The following SGSM1 variants were observed in gnomAD, a reference collection of about 807,000 sequenced individuals.
SGSM1 encodes the protein RUN and TBC1 domain containing 2.
In SGSM1, 73 loss-of-function variants were observed where a neutral mutation model predicts 133.8. The ratio of observed to expected loss-of-function variants is 0.55; its 90% CI spans 0.45 to 0.66. The LOEUF (loss-of-function observed/expected upper bound fraction) is 0.66. Ranked by LOEUF, SGSM1 falls within the 30% of genes least tolerant of loss-of-function variation. SGSM1 has a pLI of 0.00. For synonymous variants in SGSM1, 563 were observed against 573.0 expected (o/e 0.98, Z 0.25); for missense variants, 1,213 against 1,448.1 (o/e 0.84, Z 2.64).
chr22:24,806,299 G>A lies in SGSM1; in HGVS notation c.-27G>A. 1 of 1,431,796 alleles carries A rather than the reference G, an allele frequency of 7.0e-7. No individual in the cohort carries two copies. Among genetic ancestry groups the A allele is most frequent in the South Asian group, 1.5e-5 (1 of 68,338 alleles). The allele number at this position is 1,431,796 out of a possible 1,614,324, so 88.7% of individuals were successfully genotyped here. A position where few individuals can be genotyped will look rare whatever the true frequency, so the allele number is the denominator to read the frequency against. On this transcript the variant is annotated 5_prime_UTR_variant, in exon 1 of 25. Coordinates refer to ENST00000400358, the MANE Select transcript of SGSM1 (RefSeq NM_001098497.3). The stretch of plus-strand genomic sequence containing the variant: ...GCCGCCACCGCCGCCACCGCCTCCT[G>A]GGACTCGGAACGCAGCGCTCGGAGC...
intron 4 of SGSM1, 136 bp from the exon 5 acceptor site, chr22:24,850,144 C>T (rs1930371106): frequency 3.4e-6 from 3 of 881,542 alleles, no homozygotes; most frequent in Admixed American, 2.9e-5. Flanking sequence ...AGCTTGCTAG[C>T]GGCAATATGG....
intron 8 of SGSM1, chr22:24,855,903 A>G (rs1038968260): frequency 2.8e-6 from 2 of 715,606 alleles, no homozygotes; most frequent in African/African-American, 3.5e-5. Context: ...CCATCCACCC[A>G]TTGTCACAAC....
chr22:24,872,284 G>A (rs942637905), intron 12 of SGSM1, among the ~76,000 whole-genome samples: 1 of 152,158 alleles, frequency 6.6e-6, no homozygotes, highest in African/African-American at 2.4e-5. Flanking sequence ...CTTGTGCTCT[G>A]GGGAGGCAAG....
intron 12 of SGSM1, among the ~76,000 whole-genome samples, chr22:24,869,095 A>G (rs539821917): frequency 6.6e-6 from 1 of 152,314 alleles, no homozygotes; most frequent in Non-Finnish European, 1.5e-5. Context: ...GCAATGGCAT[A>G]GGCTCTGGAA....
intron 3 of SGSM1, among the ~76,000 whole-genome samples, chr22:24,845,945 CT>C (rs139930200): frequency 3.1e-5 from 1 of 32,628 alleles, no homozygotes; most frequent in Admixed American, 2.9e-4. Context: ...CTTTTCTTTT[CT>C]TTCTTTCTTT....
chr22:24,926,405 C>T lies in SGSM1; in HGVS notation c.*2131C>T, dbSNP rs1390207542. On this transcript the variant is annotated 3_prime_UTR_variant, in exon 25 of 25. Coordinates refer to ENST00000400358, the MANE Select transcript of SGSM1 (RefSeq NM_001098497.3). ...GCTGCCATTAGACTTACGTCTCCCT[C>T]CCCTACGTCCCCTAGCTTCCCAAGA... The T allele has an allele frequency of 6.6e-6, 1 of 152,208 alleles. No individual in the cohort carries two copies. Among genetic ancestry groups the T allele is most frequent in the Non-Finnish European group, 1.5e-5 (1 of 68,034 alleles). The allele number at this position is 152,208 out of a possible 1,614,324, so 9.4% of individuals were successfully genotyped here.
At chr22:24,898,827 A>G (rs983164703) in intron 19 of SGSM1, among the ~76,000 whole-genome samples, 17 of 152,034 alleles carry the variant, frequency 1.1e-4, no homozygotes, top group African/African-American at 2.7e-4. Flanking sequence ...GAAGATCGAG[A>G]CCATCCTGGC....
At chr22:24,922,632 C>T (rs1275697583) in intron 24 of SGSM1, among the ~76,000 whole-genome samples, 1 of 150,606 alleles carries the variant, frequency 6.6e-6, no homozygotes, top group African/African-American at 2.4e-5. Context: ...TCCACCACCA[C>T]ACCCAGCTAA....
intron 10 of SGSM1, among the ~76,000 whole-genome samples, chr22:24,867,814 C>T (rs1931539756): frequency 6.6e-6 from 1 of 152,330 alleles, no homozygotes; most frequent in East Asian, 1.9e-4. Context: ...CAGACCCAGA[C>T]TCTGCCATTG....
chr22:24,848,696 T>C (rs1051575895), intron 4 of SGSM1, among the ~76,000 whole-genome samples: 9 of 152,238 alleles, frequency 5.9e-5, no homozygotes, highest in Middle Eastern at 3.2e-3. Flanking sequence ...ATTCTGAAGC[T>C]GTGATTGGGC....
chr22:24,859,523 G>T (rs986061679), intron 8 of SGSM1, 193 bp from the exon 9 acceptor site: 2 of 720,580 alleles, frequency 2.8e-6, no homozygotes, highest in Non-Finnish European at 4.8e-6. Flanking sequence ...CATTTGGGAG[G>T]CTGGCTGCAA....
intron 15 of SGSM1, 27 bp from the exon 16 acceptor site, chr22:24,886,573 C>T (rs781304406): frequency 2.6e-6 from 4 of 1,548,554 alleles, no homozygotes; most frequent in Non-Finnish European, 1.7e-6. Context: ...GTTGACCAAA[C>T]TCTTTGCTCC....
rs112987866 is a variant in SGSM1 at position 24,867,426 on chromosome 22, A to G, written c.994+266A>G. ...CTCAGCATGAAATCCACCTATGGCT[A>G]TGGCGTTAGCTGCTGACACTTACTA... On this transcript the variant is annotated intron_variant, in intron 10 of 24. Transcript: ENST00000400358. Among the ~76,000 whole-genome samples, 318 of 152,346 alleles carry G rather than the reference A, an allele frequency of 2.1e-3. 1 individual carries two copies. The highest frequency in any genetic ancestry group is 7.5e-3 in the African/African-American group (310 of 41,580).
chr22:24,822,088 CT>C (rs71320790), intron 2 of SGSM1, among the ~76,000 whole-genome samples: 318 of 96,118 alleles, frequency 3.3e-3, no homozygotes, highest in Middle Eastern at 5.6e-3. Flanking sequence ...TCATCTCTCT[CT>C]TTTTTTTTTT....
chr22:24,819,887 T>G (rs1201387512), intron 2 of SGSM1, among the ~76,000 whole-genome samples: 2 of 152,234 alleles, frequency 1.3e-5, no homozygotes, highest in African/African-American at 4.8e-5. Context: ...TTCCGTTTTC[T>G]GCAGCTGCCC....
chr22:24,841,432 A>G (rs1929802997), intron 2 of SGSM1, among the ~76,000 whole-genome samples: 1 of 152,246 alleles, frequency 6.6e-6, no homozygotes, highest in Non-Finnish European at 1.5e-5. Context: ...GCATCCTGCC[A>G]TCATTAGGTG....
intron 2 of SGSM1, among the ~76,000 whole-genome samples, chr22:24,843,062 T>G (rs994282495): frequency 2.0e-5 from 3 of 152,184 alleles, no homozygotes; most frequent in African/African-American, 7.2e-5. Flanking sequence ...AAGTTTCAAT[T>G]TCTACTCTGC....
intron 2 of SGSM1, among the ~76,000 whole-genome samples, chr22:24,810,757 G>A (rs1243333677): frequency 6.6e-6 from 1 of 152,132 alleles, no homozygotes; most frequent in Non-Finnish European, 1.5e-5. Flanking sequence ...GGAGCTGGTG[G>A]AAGGGCTGTA....
intron 2 of SGSM1, among the ~76,000 whole-genome samples, chr22:24,831,305 C>T (rs1031445203): frequency 1.1e-4 from 17 of 151,994 alleles, no homozygotes; most frequent in Non-Finnish European, 1.9e-4. Flanking sequence ...AAGCCTCGGC[C>T]AGCCCTGCGG....
Sources: allele counts gnomAD v4.1 joint callset (sites outside exome capture counted in the v4.1 genomes callset), GRCh38; gene constraint gnomAD v4.1.1; transcripts MANE v1.5; gene names NCBI Gene and HGNC (gene_info 2026-07-23, HGNC 2026-07-21).